Variants in CDH19 observed in about 807,000 individuals in gnomAD.
The protein encoded by CDH19 is cadherin-19.
A neutral mutation model predicts 64.2 loss-of-function variants in CDH19; 67 were observed. The ratio of observed to expected loss-of-function variants is 1.04; its 90% confidence interval spans 0.86 to 1.28. The LOEUF (loss-of-function observed/expected upper bound fraction) is 1.28. Among genes scored for constraint, CDH19 ranks in the 50% most tolerant of loss-of-function variants. The pLI is 0.00. For synonymous variants in CDH19, 346 were observed against 319.3 expected, an observed-to-expected ratio of 1.08 and a Z score of -0.89; for missense variants, 1,030 against 929.0, an observed-to-expected ratio of 1.11 and a Z score of -1.41.
intron 9 of CDH19, among the ~76,000 whole-genome samples, chr18:66,521,624 C>A (rs1376372004): frequency 6.6e-6 from 1 of 151,772 alleles, no homozygotes; most frequent in Non-Finnish European, 1.5e-5. Context: ...CAGCTTTGAA[C>A]TCCTGGGCTC....
Position 66,544,775 on chromosome 18 carries a change from T to C in CDH19, c.904A>G (p.Thr302Ala), listed in dbSNP as rs1376349821. 6.2e-7 allele frequency: 1 copy of C among 1,611,990 alleles called. No individual in the cohort carries two copies. Among genetic ancestry groups the C allele is most frequent in the African/African-American group, 1.3e-5 (1 of 74,908 alleles). Residue 302 changes from threonine (T) to alanine (A), a missense_variant, in exon 6 of 12, where the codon ACA becomes GCA. Transcript: ENST00000262150. ...DYSIEEDDSQ[T>A]FDIITNHETQ... ...TCATGATTAGTAATAATGTCAAATG[T>C]TTGCGAATCATCCTCTTCAATGCTG... is the stretch of plus-strand genomic sequence containing the variant.
chr18:66,538,006 TTTC>T (rs1278160411), intron 7 of CDH19, among the ~76,000 whole-genome samples: 1 of 152,088 alleles, frequency 6.6e-6, no homozygotes, highest in African/African-American at 2.4e-5. Context: ...TTTGTAATCA[TTTC>T]TTTTGACAAT....
At chr18:66,522,888 T>C (rs115761763) in intron 9 of CDH19, among the ~76,000 whole-genome samples, 131 of 151,858 alleles carry the variant, frequency 8.6e-4, no homozygotes, top group Middle Eastern at 6.8e-3. Context: ...AAATAATGTT[T>C]ACCTATAAAT....
At chr18:66,518,767 C>A (rs1423063850) in intron 9 of CDH19, among the ~76,000 whole-genome samples, 2 of 152,228 alleles carry the variant, frequency 1.3e-5, no homozygotes, top group East Asian at 1.9e-4. Flanking sequence ...TCCTTAGAAA[C>A]TTCTCTGTGA....
chr18:66,547,661 G>GTTTTTTTT (rs71169155), intron 5 of CDH19, among the ~76,000 whole-genome samples: 8 of 80,170 alleles, frequency 1.0e-4, no homozygotes, highest in African/African-American at 1.5e-4. Flanking sequence ...TGTGTGTTAG[G>GTTTTTTTT]TTTTTTTTTT....
rs762113969 is a variant in CDH19, at chr18:66,544,818, C to T, written c.861G>A (p.Glu287=). The change falls in exon 6 of 12, where the codon GAG becomes GAA. Residue 287 remains glutamate (E), a synonymous_variant. Transcript: ENST00000262150. ...TIMAYDNDIG[E]NAEMDYSIEE... ...CAATGCTGTAATCCATTTCTGCATT[C>T]TCTCCTATGTCATTATCATATGCCA... 6.2e-7 allele frequency: 1 copy of T among 1,611,894 alleles called. No homozygotes were observed. The highest frequency in any genetic ancestry group is 1.1e-5 in the South Asian group (1 of 91,026).
intron 7 of CDH19, 97 bp from the exon 8 acceptor site, chr18:66,535,204 A>G (rs778179339): frequency 1.7e-5 from 10 of 605,026 alleles, no homozygotes; most frequent in Admixed American, 3.6e-5. Flanking sequence ...TATTCAATGC[A>G]TGCTCTACAT....
chr18:66,559,010 C>T (rs1273747028), intron 3 of CDH19, among the ~76,000 whole-genome samples: 5 of 151,828 alleles, frequency 3.3e-5, no homozygotes, highest in African/African-American at 9.7e-5. Flanking sequence ...AGAATCACTC[C>T]GAAGAGGTTT....
chr18:66,555,135 A>T (rs1035790513), intron 3 of CDH19, among the ~76,000 whole-genome samples: 1 of 152,012 alleles, frequency 6.6e-6, no homozygotes, highest in Non-Finnish European at 1.5e-5. Flanking sequence ...TTCAGTAACA[A>T]GAAATAAAAT....
chr18:66,514,755 A>G (rs1160545224), intron 9 of CDH19, among the ~76,000 whole-genome samples: 1 of 151,560 alleles, frequency 6.6e-6, no homozygotes, highest in Non-Finnish European at 1.5e-5. Flanking sequence ...AAAGTCACAC[A>G]TGGGCCAGTT....
At chr18:66,544,638 T>G in intron 6 of CDH19, 81 bp downstream of exon 6, 1 of 985,056 alleles carries the variant, frequency 1.0e-6, no homozygotes, top group Non-Finnish European at 1.4e-6. Context: ...TTTAATGAGT[T>G]AAAAACTAAC....
At chr18:66,535,968 G>A (rs1986653052) in intron 7 of CDH19, among the ~76,000 whole-genome samples, 1 of 147,354 alleles carries the variant, frequency 6.8e-6, no homozygotes, top group Non-Finnish European at 1.5e-5. Flanking sequence ...GTAAAATACA[G>A]TAGTTCTAAT....
rs754489211 is a variant in CDH19, at chr18:66,551,278, T to A, written c.611-20A>T. 1 of 1,171,242 alleles carries A rather than the reference T, an allele frequency of 8.5e-7. No homozygotes were observed. Among genetic ancestry groups the A allele is most frequent in the Non-Finnish European group, 1.3e-6 (1 of 788,796 alleles). 72.6% of individuals were successfully genotyped at this position (1,171,242 alleles called of 1,614,324 possible). On this transcript the variant is annotated intron_variant, in intron 4 of 11. Transcript: ENST00000262150. ...TGACTCCTTTAAAAATATAATAAAA[T>A]TCCAATTATTTCATTATTAATCATG... is the stretch of plus-strand genomic sequence containing the variant.
chr18:66,564,997 C>T (rs1376053110), intron 3 of CDH19, among the ~76,000 whole-genome samples: 4 of 151,646 alleles, frequency 2.6e-5, no homozygotes, highest in South Asian at 2.1e-4. Flanking sequence ...TCACATCTCC[C>T]GAAATCTTCT....
At chr18:66,508,848 C>T in intron 11 of CDH19, 147 bp downstream of exon 11, 1 of 834,240 alleles carries the variant, frequency 1.2e-6, no homozygotes, top group Non-Finnish European at 1.8e-6. Flanking sequence ...AATAAACGTA[C>T]ACACAGACCC....
intron 3 of CDH19, among the ~76,000 whole-genome samples, chr18:66,563,388 G>A (rs2144553940): frequency 6.6e-6 from 1 of 152,106 alleles, no homozygotes; most frequent in Admixed American, 6.6e-5. Context: ...TAATGGAAAA[G>A]CTATTTTTAC....
chr18:66,587,154 A>G (rs1988601674), intron 1 of CDH19, among the ~76,000 whole-genome samples: 1 of 152,126 alleles, frequency 6.6e-6, no homozygotes, highest in African/African-American at 2.4e-5. Context: ...AGCAAAGGAC[A>G]ATATAAGTAA....
intron 7 of CDH19, among the ~76,000 whole-genome samples, chr18:66,540,112 T>G (rs1986831465): frequency 1.3e-5 from 2 of 152,152 alleles, no homozygotes; most frequent in Non-Finnish European, 2.9e-5. Context: ...TTGGCCTTTC[T>G]CGATAGAGAT....
intron 4 of CDH19, among the ~76,000 whole-genome samples, chr18:66,551,767 A>G (rs1215442362): frequency 2.0e-5 from 3 of 152,050 alleles, no homozygotes; most frequent in Non-Finnish European, 4.4e-5. Context: ...ATACACATAT[A>G]TAATATATTC....
Sources: gnomAD v4.1 joint callset for allele counts (sites outside exome capture counted in the v4.1 genomes callset) on GRCh38, gnomAD v4.1.1 for gene constraint, MANE v1.5 for transcripts, NCBI Gene and HGNC (gene_info 2026-07-23, HGNC 2026-07-21) for gene names.